Variants in CNGB3 observed in about 807,000 individuals in gnomAD.
CNGB3 encodes the protein cyclic nucleotide gated channel subunit beta 3.
In CNGB3, 86 loss-of-function variants were observed where a neutral mutation model predicts 92.8. The observed-to-expected ratio is 0.93, with a 90% CI of 0.78 to 1.11. The LOEUF (loss-of-function observed/expected upper bound fraction) is 1.11. Among genes scored for constraint, CNGB3 ranks in the 50% least tolerant of loss-of-function variants. The probability of loss-of-function intolerance (pLI) is 0.00; values close to 1 mark genes in which losing one functional copy is unlikely to be tolerated. For synonymous variants in CNGB3, 333 were observed against 332.7 expected (o/e 1.00, Z -0.01); for missense variants, 1,026 against 956.8 (o/e 1.07, Z -0.95).
Position 86,668,011 on chromosome 8 carries a change from G to A in CNGB3, c.643+8C>T, listed in dbSNP as rs1246162648. On this transcript the variant is annotated splice_region_variant and intron_variant, in intron 5 of 17. Transcript: ENST00000320005. The stretch of plus-strand genomic sequence containing the variant: ...CTCCCACTATGATAATTCACCCTTT[G>A]ATAATACCTGTGTATGAATCTATGC... The A allele has an allele frequency of 8.1e-6, 13 of 1,613,824 alleles. No homozygotes were observed. Among genetic ancestry groups the A allele is most frequent in the Non-Finnish European group, 1.1e-5 (13 of 1,179,904 alleles).
At chr8:86,683,868 A>T (rs1351938977) in intron 3 of CNGB3, among the ~76,000 whole-genome samples, 1 of 152,202 alleles carries the variant, frequency 6.6e-6, no homozygotes, top group Admixed American at 6.6e-5. Context: ...TAAGTGGAGA[A>T]CATAAAACTA....
At chr8:86,691,443 T>C (rs1191287804) in intron 3 of CNGB3, among the ~76,000 whole-genome samples, 1 of 152,206 alleles carries the variant, frequency 6.6e-6, no homozygotes, top group East Asian at 1.9e-4. Flanking sequence ...CATTCTTGTC[T>C]TATTCCAGTT....
At chr8:86,602,840 C>A (rs1006952968) in intron 15 of CNGB3, among the ~76,000 whole-genome samples, 11 of 152,148 alleles carry the variant, frequency 7.2e-5, no homozygotes, top group African/African-American at 2.7e-4. Flanking sequence ...TTGCCTAAAA[C>A]CCTCTACTGG....
At chr8:86,591,554 T>C (rs1822036440) in intron 15 of CNGB3, among the ~76,000 whole-genome samples, 1 of 151,378 alleles carries the variant, frequency 6.6e-6, no homozygotes, top group African/African-American at 2.4e-5. Flanking sequence ...GTTTTCCTTC[T>C]AACAGACAGG....
intron 7 of CNGB3, among the ~76,000 whole-genome samples, chr8:86,652,067 A>G (rs761686297): frequency 1.1e-4 from 16 of 151,964 alleles, no homozygotes; most frequent in Admixed American, 2.0e-4. Context: ...ACTGTACAGC[A>G]TGCTCTGTAT....
At chr8:86,593,538 G>C (rs1822100583) in intron 15 of CNGB3, among the ~76,000 whole-genome samples, 1 of 152,250 alleles carries the variant, frequency 6.6e-6, no homozygotes, top group Non-Finnish European at 1.5e-5. Context: ...TGGTGAGCTA[G>C]GTGTTTTGTT....
chr8:86,697,057 GGAAGA>G (rs56283560), intron 3 of CNGB3, among the ~76,000 whole-genome samples: 88,113 of 151,580 alleles, frequency 0.58, 26,337 homozygotes, highest in South Asian at 0.73. Context: ...AAAGAAAGAA[GGAAGA>G]GAAGACCACA....
At chr8:86,728,039 G>A (rs1432973541) in intron 2 of CNGB3, among the ~76,000 whole-genome samples, 2 of 152,078 alleles carry the variant, frequency 1.3e-5, no homozygotes, top group Non-Finnish European at 2.9e-5. Flanking sequence ...GACTAAGAAA[G>A]CCTAAATTCT....
At chr8:86,689,801 G>T (rs956356912) in intron 3 of CNGB3, among the ~76,000 whole-genome samples, 9 of 151,872 alleles carry the variant, frequency 5.9e-5, no homozygotes, top group Admixed American at 4.6e-4. Flanking sequence ...TGTTGTGTGA[G>T]AACATGCGGT....
intron 3 of CNGB3, among the ~76,000 whole-genome samples, chr8:86,677,196 A>T (rs1823993025): frequency 6.6e-6 from 1 of 152,180 alleles, no homozygotes; most frequent in South Asian, 2.1e-4. Flanking sequence ...TAGCCTCCAG[A>T]ACTGCGAGAA....
chr8:86,670,899 C>A (rs761886976), intron 4 of CNGB3, 45 bp downstream of exon 4: 2 of 1,607,670 alleles, frequency 1.2e-6, no homozygotes, highest in South Asian at 1.1e-5. Flanking sequence ...CACAGGTCCC[C>A]TCAGCACTTC....
At chr8:86,626,729 G>A (rs1822856428) in intron 12 of CNGB3, among the ~76,000 whole-genome samples, 1 of 152,130 alleles carries the variant, frequency 6.6e-6, no homozygotes, top group African/African-American at 2.4e-5. Context: ...TTATTTACTT[G>A]CTTATTAACT....
At chr8:86,612,573 C>T (rs1822543029) in intron 13 of CNGB3, among the ~76,000 whole-genome samples, 1 of 152,124 alleles carries the variant, frequency 6.6e-6, no homozygotes, top group African/African-American at 2.4e-5. Context: ...GACAATCATT[C>T]CTTTAGCAAT....
intron 3 of CNGB3, chr8:86,708,056 G>A (rs315970): frequency 0.89 from 135,693 of 152,218 alleles, 60,775 homozygotes; most frequent in East Asian, 1. Context: ...TTCCTCCAAG[G>A]GGAAATTTTA....
chr8:86,593,672 G>C, intron 15 of CNGB3: 1 of 610,118 alleles, frequency 1.6e-6, no homozygotes, highest in Non-Finnish European at 2.9e-6. Context: ...GTGTCTGTCT[G>C]CCCACAGCCA....
chr8:86,633,391 T>A (rs576620381), intron 10 of CNGB3, among the ~76,000 whole-genome samples: 3 of 152,296 alleles, frequency 2.0e-5, no homozygotes, highest in African/African-American at 7.2e-5. Flanking sequence ...ACATGTCTGA[T>A]CCTGAGCTGG....
intron 3 of CNGB3, among the ~76,000 whole-genome samples, chr8:86,678,969 C>T (rs1257480519): frequency 2.0e-5 from 3 of 151,994 alleles, no homozygotes; most frequent in Non-Finnish European, 4.4e-5. Flanking sequence ...TCAATGGCTT[C>T]AGGTATTTTT....
At chr8:86,675,707 T>C (rs1476998115) in intron 3 of CNGB3, among the ~76,000 whole-genome samples, 5 of 152,228 alleles carry the variant, frequency 3.3e-5, no homozygotes, top group Non-Finnish European at 4.4e-5. Context: ...TGGCCTAAAA[T>C]TTTATTTATA....
chr8:86,655,051 C>G (rs1335489069), intron 6 of CNGB3, among the ~76,000 whole-genome samples: 2 of 152,180 alleles, frequency 1.3e-5, no homozygotes, highest in African/African-American at 4.8e-5. Context: ...AGCCAAACTG[C>G]TGCTCCTCCT....
Sources: allele counts gnomAD v4.1 joint callset (sites outside exome capture counted in the v4.1 genomes callset), GRCh38; gene constraint gnomAD v4.1.1; transcripts MANE v1.5; gene names NCBI Gene and HGNC (gene_info 2026-07-23, HGNC 2026-07-21).